The following ATL2 variants were observed in gnomAD, a reference collection of about 807,000 sequenced individuals.
The protein encoded by ATL2 is atlastin-2.
ATL2 carries 31 observed loss-of-function variants against 73.9 expected under a neutral mutation model. The ratio of observed to expected loss-of-function variants is 0.42; its 90% CI spans 0.32 to 0.57. The LOEUF (loss-of-function observed/expected upper bound fraction) is 0.57, where lower values mean the gene tolerates loss of function less well. ATL2 is among the 20% of genes least tolerant of loss of function. The pLI is 0.14. For missense variants in ATL2, 738 were observed against 702.6 expected, an observed-to-expected ratio of 1.05 and a Z score of -0.57; for synonymous variants, 291 against 237.5, an observed-to-expected ratio of 1.23 and a Z score of -2.07.
chr2:38,297,140 A>C (rs1666939715), intron 12 of ATL2, among the ~76,000 whole-genome samples: 1 of 152,180 alleles, frequency 6.6e-6, no homozygotes, highest in African/African-American at 2.4e-5. Flanking sequence ...GTAAACACAA[A>C]ATCCAAATTA....
intron 2 of ATL2, among the ~76,000 whole-genome samples, chr2:38,337,486 CAAAAAAAAAAAAAAAAAAA>C (rs755029194): frequency 3.2e-4 from 7 of 21,638 alleles, no homozygotes; most frequent in Non-Finnish European, 5.1e-4. Flanking sequence ...ACTCTGTCTC[CAAAAAAAAAAAAAAAAAAA>C]AAAAAAAAAA....
chr2:38,345,516 A>G (rs1669968598), intron 1 of ATL2, among the ~76,000 whole-genome samples: 1 of 152,236 alleles, frequency 6.6e-6, no homozygotes, highest in Non-Finnish European at 1.5e-5. Flanking sequence ...AACAATGACA[A>G]TGCATTATAA....
Position 38,318,598 on chromosome 2 carries a change from G to A in ATL2, c.540C>T (p.Ser180=). 1 of 1,612,514 alleles carries A rather than the reference G, an allele frequency of 6.2e-7. No homozygotes were observed. Reference sequence around the variant, plus strand: ...TTGCACAGTCTTTGATAGTTGACTGGCTATCAAAGGCACCCTGGGTATCCA... The same window carrying A: ...TTGCACAGTCTTTGATAGTTGACTGACTATCAAAGGCACCCTGGGTATCCA... ...LLMDTQGAFD[S]QSTIKDCATV... is the part of the protein sequence containing the mutation. Residue 180 remains serine, a synonymous_variant, in exon 4 of 13, where the codon AGC becomes AGT. Transcript: ENST00000378954.
In ATL2 at chr2:38,377,219, G is replaced by T. The variant is rs774275885; in HGVS notation, c.42C>A (p.His14Gln). ...TCCGTCGCCGGCGCCACAGCCCCTG[G>T]TGCGGTTGCTGCCCTCGCGCTGCCT... ...GDEAARGQQP[H>Q]QGLWRRRRTS... Residue 14 changes from histidine to glutamine, a missense_variant, in exon 1 of 13, where the codon CAC becomes CAA. By Grantham distance (24) the His-to-Gln change is conservative. Transcript: ENST00000378954. The T allele has an allele frequency of 6.2e-7, 1 of 1,607,494 alleles. No homozygotes were observed. Among genetic ancestry groups the T allele is most frequent in the South Asian group, 1.1e-5 (1 of 90,058 alleles).
At chr2:38,377,514 T>C (rs1250247441), upstream of ATL2, among the ~76,000 whole-genome samples, 2 of 151,104 alleles carry the variant, frequency 1.3e-5, no homozygotes, top group African/African-American at 4.9e-5. Context: ...TCCAAGTTTC[T>C]GGTTGGACTG....
intron 2 of ATL2, 103 bp from the exon 3 acceptor site, chr2:38,319,122 G>C: frequency 1.6e-6 from 2 of 1,260,308 alleles, no homozygotes; most frequent in Middle Eastern, 1.9e-4. Flanking sequence ...GCTAAACCCG[G>C]AAAGACAAAA....
At chr2:38,365,988 G>A (rs1293870895) in intron 1 of ATL2, among the ~76,000 whole-genome samples, 1 of 151,262 alleles carries the variant, frequency 6.6e-6, no homozygotes, top group East Asian at 1.9e-4. Flanking sequence ...TCCAGACTTG[G>A]CTCAATACAG....
At chr2:38,304,452 G>A (rs1261818579) in intron 9 of ATL2, among the ~76,000 whole-genome samples, 1 of 152,054 alleles carries the variant, frequency 6.6e-6, no homozygotes, top group African/African-American at 2.4e-5. Context: ...ATGATTTGAA[G>A]GTCCAAAACT....
chr2:38,325,346 T>G (rs141083345), intron 2 of ATL2, among the ~76,000 whole-genome samples: 2 of 152,136 alleles, frequency 1.3e-5, no homozygotes, highest in Non-Finnish European at 2.9e-5. Flanking sequence ...GGAGTTGAGG[T>G]CAGCTTACCA....
intron 9 of ATL2, among the ~76,000 whole-genome samples, chr2:38,304,711 T>C (rs531987502): frequency 4.6e-5 from 7 of 152,208 alleles, no homozygotes; most frequent in Non-Finnish European, 8.8e-5. Context: ...TTAGTTTGTT[T>C]AGGCAATCAG....
chr2:38,338,574 T>C (rs548745070), intron 2 of ATL2, among the ~76,000 whole-genome samples: 6 of 152,148 alleles, frequency 3.9e-5, no homozygotes, highest in Admixed American at 3.3e-4. Context: ...GATACACCTC[T>C]TCCCAACAGA....
At position 38,314,600 on chromosome 2, in the gene ATL2, T is replaced by C. The variant is rs763481167; in HGVS notation, c.711+8A>G. 1 of 1,588,170 alleles carries C rather than the reference T, an allele frequency of 6.3e-7. No individual in the cohort carries two copies. The highest frequency in any genetic ancestry group is 1.1e-5 in the South Asian group (1 of 90,156). ...CTAATCTTTAAAATGTTAGAATAAC[T>C]TTTTTACCTGAAATGGTTTCTGGTA... On this transcript the variant is annotated splice_region_variant and intron_variant, in intron 6 of 12. Transcript: ENST00000378954.
chr2:38,355,719 T>C (rs892309348), intron 1 of ATL2, among the ~76,000 whole-genome samples: 6 of 139,728 alleles, frequency 4.3e-5, no homozygotes, highest in Non-Finnish European at 6.3e-5. Context: ...TTTTTTTTTT[T>C]CTTTGAGTCT....
chr2:38,336,439 C>T (rs1669360616), intron 2 of ATL2, among the ~76,000 whole-genome samples: 1 of 152,130 alleles, frequency 6.6e-6, no homozygotes, highest in Admixed American at 6.5e-5. Flanking sequence ...CAGCAAGGAT[C>T]CTTTATTTAT....
intron 4 of ATL2, among the ~76,000 whole-genome samples, chr2:38,317,035 T>C (rs1292035812): frequency 6.6e-6 from 1 of 152,154 alleles, no homozygotes; most frequent in Non-Finnish European, 1.5e-5. Flanking sequence ...ATTCTTCTTT[T>C]AGCTCAGGTT....
intron 2 of ATL2, among the ~76,000 whole-genome samples, chr2:38,332,010 T>A (rs1438878810): frequency 6.6e-6 from 1 of 152,156 alleles, no homozygotes; most frequent in Non-Finnish European, 1.5e-5. Flanking sequence ...TACTGATACA[T>A]GCTATAATAT....
chr2:38,350,671 C>T (rs1670286068), intron 1 of ATL2, among the ~76,000 whole-genome samples: 1 of 152,004 alleles, frequency 6.6e-6, no homozygotes, highest in South Asian at 2.1e-4. Flanking sequence ...GTGGGTGAAA[C>T]GCTGATGGCG....
chr2:38,300,004 A>C (rs1402418396), intron 10 of ATL2, among the ~76,000 whole-genome samples: 2 of 152,162 alleles, frequency 1.3e-5, no homozygotes, highest in Non-Finnish European at 2.9e-5. Flanking sequence ...TATCAAATAG[A>C]AATTTTCCTA....
chr2:38,342,417 G>A (rs1447043113), intron 2 of ATL2, among the ~76,000 whole-genome samples: 1 of 152,036 alleles, frequency 6.6e-6, no homozygotes, highest in African/African-American at 2.4e-5. Flanking sequence ...GTCAGGGAAG[G>A]CCCCCATGAA....
Sources: allele counts gnomAD v4.1 joint callset (sites outside exome capture counted in the v4.1 genomes callset), GRCh38; gene constraint gnomAD v4.1.1; transcripts MANE v1.5; gene names NCBI Gene and HGNC (gene_info 2026-07-23, HGNC 2026-07-21).